Variants in CENPP observed in about 807,000 individuals in gnomAD.
CENPP encodes centromere protein P.
In CENPP, 24 loss-of-function variants were observed where a neutral mutation model predicts 35.6. The observed-to-expected ratio is 0.67, with a 90% CI of 0.49 to 0.95. CENPP has a LOEUF of 0.95. Among genes scored for constraint, CENPP ranks in the 40% least tolerant of loss-of-function variants. The probability of loss-of-function intolerance (pLI) is 0.00; values close to 1 mark genes in which losing one functional copy is unlikely to be tolerated. For synonymous variants in CENPP, 120 were observed against 125.5 expected (o/e 0.96, Z 0.29); for missense variants, 332 against 345.3 (o/e 0.96, Z 0.31).
At chr9:92,568,525 G>A (rs182925704) in intron 5 of CENPP, among the ~76,000 whole-genome samples, 10 of 152,274 alleles carry the variant, frequency 6.6e-5, no homozygotes, top group Middle Eastern at 3.4e-3. Context: ...TTGCTATTGA[G>A]AATAGTGCTG....
At chr9:92,567,367 A>AACATAT (rs1564005429) in intron 5 of CENPP, among the ~76,000 whole-genome samples, 5 of 103,710 alleles carry the variant, frequency 4.8e-5, no homozygotes, top group African/African-American at 1.2e-4. Flanking sequence ...ACAGTTACAT[A>AACATAT]AGATAGATAT....
At chr9:92,423,219 A>C (rs1355634549) in intron 5 of CENPP, among the ~76,000 whole-genome samples, 1 of 152,172 alleles carries the variant, frequency 6.6e-6, no homozygotes. Context: ...ATCGTGTAGC[A>C]GGAAAAGAAC....
chr9:92,564,296 C>A (rs1849913202), intron 5 of CENPP, among the ~76,000 whole-genome samples: 1 of 151,528 alleles, frequency 6.6e-6, no homozygotes, highest in Admixed American at 6.6e-5. Context: ...GGCTGAGGCA[C>A]AAGAATCACT....
chr9:92,344,261 A>G (rs1040614974), intron 3 of CENPP, among the ~76,000 whole-genome samples: 3 of 152,190 alleles, frequency 2.0e-5, no homozygotes, highest in Non-Finnish European at 2.9e-5. Context: ...GTTAAACAGG[A>G]TTCTATAACC....
intron 3 of CENPP, chr9:92,340,461 T>C (rs1841077953): frequency 6.6e-6 from 1 of 152,194 alleles, no homozygotes; most frequent in African/African-American, 2.4e-5. Context: ...AAGTATCAAA[T>C]AGTAATTTGA....
chr9:92,419,299 C>CTTTTT (rs34582930), intron 5 of CENPP, among the ~76,000 whole-genome samples: 2 of 117,098 alleles, frequency 1.7e-5, no homozygotes, highest in Non-Finnish European at 1.7e-5. Context: ...TGCCTTGTGT[C>CTTTTT]TTTTTTTTTT....
At chr9:92,520,739 C>G (rs1271028689) in intron 5 of CENPP, among the ~76,000 whole-genome samples, 1 of 151,976 alleles carries the variant, frequency 6.6e-6, no homozygotes, top group Non-Finnish European at 1.5e-5. Context: ...TATGGATAAA[C>G]AAATATGGTA....
intron 5 of CENPP, chr9:92,495,923 C>T (rs1846321685): frequency 1.0e-6 from 1 of 985,380 alleles, no homozygotes; most frequent in Non-Finnish European, 1.2e-6. Flanking sequence ...TGTCATTATG[C>T]TTCTTAATCT....
chr9:92,397,894 C>T (rs1012389281), intron 5 of CENPP, among the ~76,000 whole-genome samples: 3 of 152,042 alleles, frequency 2.0e-5, no homozygotes, highest in Admixed American at 6.5e-5. Flanking sequence ...CAGAGAGAAA[C>T]ATTTCTATAT....
intron 1 of CENPP, among the ~76,000 whole-genome samples, chr9:92,330,688 G>GTTTTTTTTTTTTTTTTTTTTTTTCTTTT: frequency 8.2e-6 from 1 of 121,272 alleles, no homozygotes; most frequent in Non-Finnish European, 1.7e-5. Flanking sequence ...TCTTTTCTTT[G>GTTTTTTTTTTTTTTTTTTTTTTTCTTTT]TTTTTTTTTT....
intron 5 of CENPP, among the ~76,000 whole-genome samples, chr9:92,397,996 T>C (rs1310629602): frequency 6.6e-6 from 1 of 152,214 alleles, no homozygotes; most frequent in Non-Finnish European, 1.5e-5. Flanking sequence ...CTTCCACCTT[T>C]CCGTATTTGT....
chr9:92,517,413 C>CTCT, intron 5 of CENPP: 1 of 573,926 alleles, frequency 1.7e-6, no homozygotes, highest in Non-Finnish European at 3.1e-6. Flanking sequence ...ATTCTGTTAC[C>CTCT]ATATCTCTAA....
At chr9:92,575,822 A>G (rs1022958075) in intron 5 of CENPP, among the ~76,000 whole-genome samples, 7 of 152,142 alleles carry the variant, frequency 4.6e-5, no homozygotes, top group Admixed American at 3.9e-4. Flanking sequence ...AAAAAAAAAA[A>G]GAATGTCTCC....
intron 5 of CENPP, among the ~76,000 whole-genome samples, chr9:92,554,791 C>T (rs1849686022): frequency 6.6e-6 from 1 of 152,134 alleles, no homozygotes; most frequent in African/African-American, 2.4e-5. Context: ...GCGCCTGCCA[C>T]TGCGCCCGGC....
chr9:92,523,025 C>CA, intron 5 of CENPP: 5 of 860,616 alleles, frequency 5.8e-6, no homozygotes, highest in Non-Finnish European at 8.5e-6. Flanking sequence ...GGACTATATG[C>CA]TATAGTATTA....
chr9:92,510,334 T>A (rs1847260260), intron 5 of CENPP, among the ~76,000 whole-genome samples: 2 of 152,376 alleles, frequency 1.3e-5, no homozygotes, highest in Admixed American at 1.3e-4. Flanking sequence ...GGATTGGTCA[T>A]TCTTGCTAGA....
intron 5 of CENPP, among the ~76,000 whole-genome samples, chr9:92,576,294 A>C (rs1158885001): frequency 1.3e-5 from 2 of 152,220 alleles, no homozygotes; most frequent in African/African-American, 4.8e-5. Flanking sequence ...AGGTACTTAG[A>C]GTAGTCTAAA....
intron 5 of CENPP, among the ~76,000 whole-genome samples, chr9:92,461,199 A>G (rs1162357635): frequency 6.6e-6 from 1 of 152,040 alleles, no homozygotes; most frequent in Admixed American, 6.6e-5. Context: ...ACATAATGTC[A>G]TTTCTTCTAT....
intron 5 of CENPP, among the ~76,000 whole-genome samples, chr9:92,471,349 A>G (rs960309985): frequency 2.0e-5 from 3 of 151,802 alleles, no homozygotes; most frequent in Non-Finnish European, 4.4e-5. Context: ...GGTGTGTGCC[A>G]CCACGCCTGG....
Sources: allele counts gnomAD v4.1 joint callset (sites outside exome capture counted in the v4.1 genomes callset), GRCh38; gene constraint gnomAD v4.1.1; transcripts MANE v1.5; gene names NCBI Gene and HGNC (gene_info 2026-07-23, HGNC 2026-07-21).